Variants in XPR1 observed in about 807,000 individuals in gnomAD.
XPR1 encodes xenotropic and polytropic retrovirus receptor 1.
Under a neutral mutation model 87.5 loss-of-function variants are expected in XPR1, and 28 were observed. That is an observed-to-expected ratio of 0.32 (90% CI 0.24 to 0.44). The LOEUF (loss-of-function observed/expected upper bound fraction) is 0.44. Among genes scored for constraint, XPR1 ranks in the 20% least tolerant of loss-of-function variants. The pLI, the probability that XPR1 is intolerant of heterozygous loss-of-function variation, is 1.00. For missense variants in XPR1, 559 were observed against 862.3 expected, an observed-to-expected ratio of 0.65 and a Z score of 4.41; for synonymous variants, 300 against 306.1, an observed-to-expected ratio of 0.98 and a Z score of 0.21.
At chr1:180,705,003 T>A (rs1657512102) in intron 2 of XPR1, among the ~76,000 whole-genome samples, 1 of 151,444 alleles carries the variant, frequency 6.6e-6, no homozygotes, top group Non-Finnish European at 1.5e-5. Context: ...ATATATATAT[T>A]TTAGGATAAA....
chr1:180,811,321 A>G, intron 6 of XPR1, 86 bp from the exon 7 acceptor site: 1 of 1,060,414 alleles, frequency 9.4e-7, no homozygotes, highest in Non-Finnish European at 1.4e-6. Context: ...TAGAACTTTG[A>G]GACTCATTCT....
chr1:180,721,212 ACT>A (rs1232781756), intron 2 of XPR1, among the ~76,000 whole-genome samples: 4 of 147,536 alleles, frequency 2.7e-5, no homozygotes, highest in Admixed American at 2.0e-4. Flanking sequence ...CAAGAACAAA[ACT>A]CTGTCTCAAA....
chr1:180,686,526 A>C (rs957745879), intron 2 of XPR1, among the ~76,000 whole-genome samples: 1 of 152,102 alleles, frequency 6.6e-6, no homozygotes, highest in Non-Finnish European at 1.5e-5. Context: ...GCTGAGTTCA[A>C]TTCCTGGGTA....
intron 1 of XPR1, among the ~76,000 whole-genome samples, chr1:180,679,672 A>G (rs1296243636): frequency 6.6e-6 from 1 of 152,204 alleles, no homozygotes; most frequent in Non-Finnish European, 1.5e-5. Context: ...GATTACCTAA[A>G]TATGGTTGTT....
At chr1:180,806,685 T>G in intron 6 of XPR1, 128 bp downstream of exon 6, 1 of 694,204 alleles carries the variant, frequency 1.4e-6, no homozygotes, top group Non-Finnish European at 2.3e-6. Context: ...TTTTCTTATT[T>G]TAGTTTTTTA....
chr1:180,751,681 T>A (rs553342784), intron 2 of XPR1, among the ~76,000 whole-genome samples: 13 of 152,232 alleles, frequency 8.5e-5, no homozygotes, highest in African/African-American at 2.9e-4. Context: ...TCTTCCATAC[T>A]TGTCACAGTG....
chr1:180,778,414 T>G (rs1001584974), intron 2 of XPR1, among the ~76,000 whole-genome samples: 2 of 152,176 alleles, frequency 1.3e-5, no homozygotes, highest in Non-Finnish European at 2.9e-5. Context: ...CCACTTCTCA[T>G]AGAATAACAG....
chr1:180,843,284 T>A (rs1037391495), intron 11 of XPR1, among the ~76,000 whole-genome samples: 5 of 148,936 alleles, frequency 3.4e-5, no homozygotes, highest in African/African-American at 4.9e-5. Flanking sequence ...TCATTAACTT[T>A]AAAAAAAAAA....
intron 1 of XPR1, among the ~76,000 whole-genome samples, chr1:180,667,449 T>A (rs1656001322): frequency 6.6e-6 from 1 of 152,226 alleles, no homozygotes; most frequent in Non-Finnish European, 1.5e-5. Flanking sequence ...CAGTAATAAA[T>A]CCCACTTGGT....
intron 2 of XPR1, among the ~76,000 whole-genome samples, chr1:180,770,452 G>A (rs887627319): frequency 3.9e-5 from 6 of 152,000 alleles, no homozygotes; most frequent in African/African-American, 9.7e-5. Context: ...CTATCCCCAC[G>A]GCCTCATCCA....
chr1:180,875,879 A>G (rs1225458495), intron 13 of XPR1, among the ~76,000 whole-genome samples: 1 of 152,180 alleles, frequency 6.6e-6, no homozygotes, highest in Non-Finnish European at 1.5e-5. Flanking sequence ...AAACCTAAAG[A>G]CATTTATTTA....
At position 180,715,682 on chromosome 1, in the gene XPR1, T is replaced by C. The variant is rs191115122; in HGVS notation, c.121+33271T>C. On this transcript the variant is annotated intron_variant, in intron 2 of 14. Coordinates refer to ENST00000367590, the MANE Select transcript of XPR1 (RefSeq NM_004736.4). Reference sequence around the variant, plus strand: ...GTTGTTTTTTTTTTCTTTATCTTTCTTTCTTTTTTTTGAGATAGAGTTTCA... The same window carrying C: ...GTTGTTTTTTTTTTCTTTATCTTTCCTTCTTTTTTTTGAGATAGAGTTTCA... 2.2e-4 allele frequency among the ~76,000 whole-genome samples: 34 copies of C among 152,180 alleles called. No homozygotes were observed. In the East Asian group the frequency reaches 5.8e-3, roughly 26 times the overall value.
intron 2 of XPR1, among the ~76,000 whole-genome samples, chr1:180,785,486 T>C (rs1027249742): frequency 6.6e-6 from 1 of 151,994 alleles, no homozygotes; most frequent in Admixed American, 6.6e-5. Context: ...AGCAAAGAAA[T>C]AAATTCTTAG....
intron 2 of XPR1, among the ~76,000 whole-genome samples, chr1:180,686,778 T>C (rs1214128308): frequency 6.6e-6 from 1 of 152,204 alleles, no homozygotes; most frequent in Non-Finnish European, 1.5e-5. Flanking sequence ...ATGACAAAAG[T>C]TAATGAAGTT....
chr1:180,684,826 G>A (rs933785955), intron 2 of XPR1, among the ~76,000 whole-genome samples: 2 of 152,108 alleles, frequency 1.3e-5, no homozygotes, highest in African/African-American at 4.8e-5. Flanking sequence ...TGTGATTTTT[G>A]TACATTGATT....
chr1:180,671,802 C>T (rs919503567), intron 1 of XPR1, among the ~76,000 whole-genome samples: 7 of 152,074 alleles, frequency 4.6e-5, no homozygotes, highest in African/African-American at 1.4e-4. Flanking sequence ...TGTGAGTCAC[C>T]GCACACAGCC....
rs532760653 is a variant in XPR1 at position 180,827,037 on chromosome 1, C to G, written c.1134+1693C>G. On this transcript the variant is annotated intron_variant, in intron 9 of 14. Coordinates refer to ENST00000367590, the MANE Select transcript of XPR1 (RefSeq NM_004736.4). ...AGTGAGGTGGCACGTGCCTGTAATC[C>G]CAGCTACTCAGGAGGCTGAGGCAGG... 3.3e-5 allele frequency among the ~76,000 whole-genome samples: 5 copies of G among 151,568 alleles called. No homozygotes were observed. The East Asian group carries it at 9.7e-4, about 29-fold the overall frequency.
intron 2 of XPR1, among the ~76,000 whole-genome samples, chr1:180,761,552 A>G (rs1189950570): frequency 2.6e-5 from 4 of 152,230 alleles, no homozygotes; most frequent in African/African-American, 9.6e-5. Context: ...AGAGAAATGC[A>G]AATCAAAACC....
At chr1:180,682,685 T>G (rs528490663) in intron 2 of XPR1, among the ~76,000 whole-genome samples, 1 of 152,212 alleles carries the variant, frequency 6.6e-6, no homozygotes, top group South Asian at 2.1e-4. Flanking sequence ...AGTTTTTCTG[T>G]GTAATGCTTC....
Sources: gnomAD v4.1 joint callset for allele counts (sites outside exome capture counted in the v4.1 genomes callset) on GRCh38, gnomAD v4.1.1 for gene constraint, MANE v1.5 for transcripts, NCBI Gene and HGNC (gene_info 2026-07-23, HGNC 2026-07-21) for gene names.